Variants in NUDCD2 observed in about 807,000 individuals in gnomAD.
NUDCD2 encodes the protein nudC domain-containing protein 2.
NUDCD2 carries 16 observed loss-of-function variants against 20.8 expected under a neutral mutation model. The observed-to-expected ratio is 0.77, with a 90% CI of 0.52 to 1.17. The LOEUF is 1.17. Among genes scored for constraint, NUDCD2 ranks in the 50% most tolerant of loss-of-function variants. NUDCD2 has a pLI of 0.00. For synonymous variants in NUDCD2, 87 were observed against 72.8 expected, an observed-to-expected ratio of 1.20 and a Z score of -1.00; for missense variants, 199 against 193.9, an observed-to-expected ratio of 1.03 and a Z score of -0.16.
At position 163,449,649 on chromosome 5, in the gene NUDCD2, ATGC is replaced by A. The variant is rs749137617; in HGVS notation, c.*4315_*4317del. On this transcript the variant is annotated 3_prime_UTR_variant, in exon 4 of 4. Transcript: ENST00000302764. The stretch of plus-strand genomic sequence containing the variant: ...ATTTCAAAAAAATTTTGAAGGAATC[ATGC>A]TGCCCAGTTTTAAGACTTACTATAA... 6 of 152,246 alleles carry A rather than the reference ATGC, an allele frequency of 3.9e-5. No individual in the cohort carries two copies. The highest frequency in any genetic ancestry group is 5.9e-5 in the Non-Finnish European group (4 of 68,032). The allele number at this position is 152,246 out of a possible 1,614,324, so 9.4% of individuals were successfully genotyped here. A position where few individuals can be genotyped will look rare whatever the true frequency, so the allele number is the denominator to read the frequency against.
chr5:163,451,680 T>G lies in NUDCD2; in HGVS notation c.*2287A>C, dbSNP rs1023478522. On this transcript the variant is annotated 3_prime_UTR_variant, in exon 4 of 4. Coordinates refer to ENST00000302764, the MANE Select transcript of NUDCD2 (RefSeq NM_145266.6). ...GTGAGGTATTAGGGTCCAGGCAGGA[T>G]GAGGAGGACATTCCTGCTCAGCATA... 2.6e-5 allele frequency: 4 copies of G among 152,098 alleles called. No homozygotes were observed. Among genetic ancestry groups the G allele is most frequent in the East Asian group, 1.9e-4 (1 of 5,176 alleles). 9.4% of individuals were successfully genotyped at this position (152,098 alleles called of 1,614,324 possible). A position where few individuals can be genotyped will look rare whatever the true frequency, so the allele number is the denominator to read the frequency against.
chr5:163,457,357 G>T (rs996295609), intron 2 of NUDCD2, among the ~76,000 whole-genome samples: 2 of 151,778 alleles, frequency 1.3e-5, no homozygotes, highest in Admixed American at 1.3e-4. Context: ...GTCTCAAGAA[G>T]TTCTTCATTA....
rs1340110281 is a variant in NUDCD2 at position 163,459,660 on chromosome 5, A to T, written c.189+202T>A. ...TCTTAGTTTGAAAACTAAACACGAAAATAGGCTCCTCAAATTTCCACAACT... is the reference window on the plus strand; with the variant it reads ...TCTTAGTTTGAAAACTAAACACGAATATAGGCTCCTCAAATTTCCACAACT... On this transcript the variant is annotated intron_variant, in intron 1 of 3. Transcript: ENST00000302764. 9.3e-6 allele frequency: 4 copies of T among 427,858 alleles called. No individual in the cohort carries two copies. In the Admixed American group the frequency reaches 1.7e-4, roughly 18 times the overall value. The allele number at this position is 427,858 out of a possible 1,614,324, so 26.5% of individuals were successfully genotyped here. A position where few individuals can be genotyped will look rare whatever the true frequency, so the allele number is the denominator to read the frequency against.
At chr5:163,454,170 A>C (rs1758245919) in intron 3 of NUDCD2, 120 bp from the exon 4 acceptor site, 1 of 470,132 alleles carries the variant, frequency 2.1e-6, no homozygotes, top group Non-Finnish European at 3.8e-6. Context: ...AATATAACAG[A>C]CTTCACTGTT....
In NUDCD2 at chr5:163,457,140, T is replaced by G. The variant is rs1364639067; in HGVS notation, c.239-60A>C. ...TAAATTAGAGTTCTTCATCAAGTTG[T>G]TTTTTTTTTTTTTGAGACAGTATCA... On this transcript the variant is annotated intron_variant, in intron 2 of 3. Transcript: ENST00000302764. 8 of 619,366 alleles carry G rather than the reference T, an allele frequency of 1.3e-5. No homozygotes were observed. The African/African-American group carries it at 1.9e-4, about 15-fold the overall frequency. 38.4% of individuals were successfully genotyped at this position (619,366 alleles called of 1,614,324 possible). A position where few individuals can be genotyped will look rare whatever the true frequency, so the allele number is the denominator to read the frequency against.
In NUDCD2 at chr5:163,447,179, GACTC is replaced by G. The variant is rs762156667; in HGVS notation, c.*6784_*6787del. ...AATACATGAAGAGACCAGGTACAGA[GACTC>G]ATTCATTCCTGTAATTCCAATGCTT... On this transcript the variant is annotated 3_prime_UTR_variant, in exon 4 of 4. Coordinates refer to ENST00000302764, the MANE Select transcript of NUDCD2 (RefSeq NM_145266.6). The G allele has an allele frequency of 9.2e-5, 14 of 152,342 alleles. No individual in the cohort carries two copies. Among genetic ancestry groups the G allele is most frequent in the Non-Finnish European group, 1.9e-4 (13 of 68,030 alleles). The allele number at this position is 152,342 out of a possible 1,614,324, so 9.4% of individuals were successfully genotyped here. A position where few individuals can be genotyped will look rare whatever the true frequency, so the allele number is the denominator to read the frequency against.
At chr5:163,457,136 G>GTTTT in intron 2 of NUDCD2, 56 bp from the exon 3 acceptor site, 1 of 1,372,754 alleles carries the variant, frequency 7.3e-7, no homozygotes. Flanking sequence ...TCTTCATCAA[G>GTTTT]TTGTTTTTTT....
In NUDCD2 at chr5:163,452,645, A is replaced by G. The variant is rs1457504795; in HGVS notation, c.*1322T>C. On this transcript the variant is annotated 3_prime_UTR_variant, in exon 4 of 4. Transcript: ENST00000302764. The stretch of plus-strand genomic sequence containing the variant: ...AATAACTACAGTGGAGAAGTCTGGC[A>G]GACACTACCTTAATCAGTCATCTAA... The G allele has an allele frequency of 6.6e-6, 1 of 152,254 alleles. No individual in the cohort carries two copies. Among genetic ancestry groups the G allele is most frequent in the East Asian group, 1.9e-4 (1 of 5,206 alleles). 9.4% of individuals were successfully genotyped at this position (152,254 alleles called of 1,614,324 possible). A position where few individuals can be genotyped will look rare whatever the true frequency, so the allele number is the denominator to read the frequency against.
intron 1 of NUDCD2, chr5:163,458,987 T>C (rs912167333): frequency 1.3e-5 from 2 of 152,326 alleles, no homozygotes; most frequent in Middle Eastern, 3.4e-3. Context: ...TATGAACTTA[T>C]TACATACCAG....
At position 163,450,225 on chromosome 5, in the gene NUDCD2, C is replaced by G. The variant is rs1758143809; in HGVS notation, c.*3742G>C. On this transcript the variant is annotated 3_prime_UTR_variant, in exon 4 of 4. Transcript: ENST00000302764. ...GCAGTGAGTGGAGATTGTGCCACTG[C>G]ACCCCAGCCTGGGTGACAGAGTGAG... is the stretch of plus-strand genomic sequence containing the variant. 1 of 152,220 alleles carries G rather than the reference C, an allele frequency of 6.6e-6. No individual in the cohort carries two copies. The highest frequency in any genetic ancestry group is 2.4e-5 in the African/African-American group (1 of 41,444). The allele number at this position is 152,220 out of a possible 1,614,324, so 9.4% of individuals were successfully genotyped here.
chr5:163,456,897 T>C, intron 3 of NUDCD2, 32 bp downstream of exon 3: 1 of 1,337,550 alleles, frequency 7.5e-7, no homozygotes, highest in South Asian at 1.7e-5. Context: ...ATATATTTAA[T>C]TACACATACT....
At chr5:163,459,709 G>T (rs1417227958) in intron 1 of NUDCD2, 153 bp downstream of exon 1, 1 of 541,942 alleles carries the variant, frequency 1.8e-6, no homozygotes, top group African/African-American at 2.0e-5. Flanking sequence ...GAAGAGGCGG[G>T]GGCTCTGACC....
rs1758224610 is a variant in NUDCD2, at chr5:163,453,281, A to G, written c.*686T>C. 6.6e-6 allele frequency: 1 copy of G among 152,202 alleles called. No individual in the cohort carries two copies. Among genetic ancestry groups the G allele is most frequent in the Admixed American group, 6.5e-5 (1 of 15,276 alleles). The allele number at this position is 152,202 out of a possible 1,614,324, so 9.4% of individuals were successfully genotyped here. A position where few individuals can be genotyped will look rare whatever the true frequency, so the allele number is the denominator to read the frequency against. On this transcript the variant is annotated 3_prime_UTR_variant, in exon 4 of 4. Transcript: ENST00000302764. ...TATGCCTAAATCACTTACAATCAAA[A>G]TGATGCCACTGATATACAATTAGTG...
At chr5:163,459,229 T>C (rs892157067) in intron 1 of NUDCD2, 4 of 152,204 alleles carry the variant, frequency 2.6e-5, no homozygotes, top group African/African-American at 4.8e-5. Context: ...TTCAACCTGT[T>C]AGTTTAATTA....
chr5:163,458,131 C>T lies in NUDCD2; in HGVS notation c.190-521G>A, dbSNP rs569116439. ...CCAAGTAGCTAGGACTACAGGCGCC[C>T]GCCACCACGCCCGGCTAATTTTTGT... On this transcript the variant is annotated intron_variant, in intron 1 of 3. Coordinates refer to ENST00000302764, the MANE Select transcript of NUDCD2 (RefSeq NM_145266.6). 2.6e-4 allele frequency among the ~76,000 whole-genome samples: 40 copies of T among 151,518 alleles called. 1 individual carries two copies. In the South Asian group the frequency reaches 8.1e-3, roughly 31 times the overall value.
rs1758120634 is a variant in NUDCD2, at chr5:163,449,403, T to G, written c.*4564A>C. ...AAAAATAATACAACTTAACAATAGT[T>G]CCTCCAAAATGAACACTGTGGAATA... On this transcript the variant is annotated 3_prime_UTR_variant, in exon 4 of 4. Transcript: ENST00000302764. 6.6e-6 allele frequency: 1 copy of G among 152,108 alleles called. No homozygotes were observed. The highest frequency in any genetic ancestry group is 2.1e-4 in the South Asian group (1 of 4,816). 9.4% of individuals were successfully genotyped at this position (152,108 alleles called of 1,614,324 possible).
At chr5:163,459,841 C>A (rs1463409571) in intron 1 of NUDCD2, 21 bp downstream of exon 1, 2 of 1,578,582 alleles carry the variant, frequency 1.3e-6, no homozygotes, top group South Asian at 2.3e-5. Context: ...AAACTGAACA[C>A]AAGCCCCGAG....
At chr5:163,457,952 T>C (rs1256878340) in intron 1 of NUDCD2, among the ~76,000 whole-genome samples, 3 of 150,258 alleles carry the variant, frequency 2.0e-5, no homozygotes, top group Non-Finnish European at 3.0e-5. Flanking sequence ...CAAGAAGGGA[T>C]CTCCTGCTAA....
chr5:163,459,951 C>T lies in NUDCD2; in HGVS notation c.100G>A (p.Val34Met), dbSNP rs749492290. ...TLEEVFIEVQ[V>M]PPGTRAQDIQ... is the part of the protein sequence containing the mutation. ...TCCTGGGCGCGCGTGCCTGGCGGCA[C>T]CTGAACTTCAATGAACACCTCCTCC... The change falls in exon 1 of 4, where the codon GTG (valine) becomes ATG (methionine). Residue 34 changes from valine (V) to methionine (M), a missense_variant. Physicochemically the swap from Val to Met is conservative, Grantham distance 21. Transcript: ENST00000302764. The T allele has an allele frequency of 8.1e-6, 13 of 1,613,546 alleles. No individual in the cohort carries two copies. The highest frequency in any genetic ancestry group is 1.7e-5 in the Admixed American group (1 of 59,994).
Sources: gnomAD v4.1 joint callset for allele counts (sites outside exome capture counted in the v4.1 genomes callset) on GRCh38, gnomAD v4.1.1 for gene constraint, MANE v1.5 for transcripts, NCBI Gene and HGNC (gene_info 2026-07-23, HGNC 2026-07-21) for gene names.